ANKRD11: variants seen among roughly 807,000 people sequenced by gnomAD.
The protein encoded by ANKRD11 is ankyrin repeat domain 11.
ANKRD11 carries 17 observed loss-of-function variants against 195.7 expected under a neutral mutation model. That is an observed-to-expected ratio of 0.09 (90% CI 0.06 to 0.13). The LOEUF is 0.13. Among genes scored for constraint, ANKRD11 ranks in the 10% least tolerant of loss-of-function variants. The pLI is 1.00. For synonymous variants in ANKRD11, 1,953 were observed against 1,528.1 expected (o/e 1.28, Z -6.49); for missense variants, 3,735 against 3,566.1 (o/e 1.05, Z -1.21).
At chr16:89,472,198 C>G (rs184430051) in intron 1 of ANKRD11, among the ~76,000 whole-genome samples, 4 of 152,170 alleles carry the variant, frequency 2.6e-5, no homozygotes, top group African/African-American at 7.2e-5. Context: ...CCAATAAACA[C>G]TCGCAGGACA....
In ANKRD11 at chr16:89,490,512, T is replaced by C. The variant is rs1322706636; in HGVS notation, c.-412A>G. The C allele has an allele frequency of 8.5e-6, 4 of 469,874 alleles. No individual in the cohort carries two copies. Among genetic ancestry groups the C allele is most frequent in the Admixed American group, 6.9e-5 (2 of 29,068 alleles). The allele number at this position is 469,874 out of a possible 1,614,324, so 29.1% of individuals were successfully genotyped here. On this transcript the variant is annotated 5_prime_UTR_variant, in exon 1 of 13. Coordinates refer to ENST00000301030, the MANE Select transcript of ANKRD11 (RefSeq NM_013275.6). Reference sequence around the variant, plus strand: ...TGGCCGCGGGCTCGGCGGCGGCGCCTCCCCGGCTGGGGCCCTCGGTCCATC... The same window carrying C: ...TGGCCGCGGGCTCGGCGGCGGCGCCCCCCCGGCTGGGGCCCTCGGTCCATC...
intron 2 of ANKRD11, chr16:89,343,731 T>C (rs1317032410): frequency 6.6e-6 from 1 of 152,300 alleles, no homozygotes; most frequent in Non-Finnish European, 1.5e-5. Context: ...TCACAGCTCA[T>C]GTTTTCAAGG....
chr16:89,296,314 C>T (rs2035434258), intron 4 of ANKRD11, among the ~76,000 whole-genome samples: 1 of 152,138 alleles, frequency 6.6e-6, no homozygotes, highest in South Asian at 2.1e-4. Flanking sequence ...CCTCTGGAGC[C>T]ACCGTCTCCC....
intron 1 of ANKRD11, among the ~76,000 whole-genome samples, chr16:89,486,403 T>C (rs1267907071): frequency 1.4e-5 from 2 of 147,796 alleles, no homozygotes; most frequent in African/African-American, 2.5e-5. Context: ...TTCACGCAAC[T>C]GGCCGCTGCC....
chr16:89,271,045 CTG>C, intron 11 of ANKRD11, 136 bp from the exon 12 acceptor site: 1 of 793,744 alleles, frequency 1.3e-6, no homozygotes, highest in South Asian at 1.5e-5. Flanking sequence ...CGCGCACACA[CTG>C]AATCATGTTC....
chr16:89,337,199 C>A (rs1344210892), intron 2 of ANKRD11, among the ~76,000 whole-genome samples: 1 of 151,390 alleles, frequency 6.6e-6, no homozygotes, highest in Non-Finnish European at 1.5e-5. Context: ...AAACAAAAAA[C>A]AAAAAACTGC....
At chr16:89,485,035 C>T (rs1272507271) in intron 1 of ANKRD11, among the ~76,000 whole-genome samples, 2 of 151,850 alleles carry the variant, frequency 1.3e-5, no homozygotes, top group African/African-American at 4.8e-5. Context: ...AGAGAGAAAG[C>T]GGGTGTGGGG....
intron 1 of ANKRD11, among the ~76,000 whole-genome samples, chr16:89,471,235 C>T (rs1308024377): frequency 6.6e-6 from 1 of 152,068 alleles, no homozygotes; most frequent in Non-Finnish European, 1.5e-5. Flanking sequence ...GCACTATTGA[C>T]CCTCCAAACT....
intron 1 of ANKRD11, among the ~76,000 whole-genome samples, chr16:89,420,792 C>T (rs972229454): frequency 6.6e-6 from 1 of 152,226 alleles, no homozygotes; most frequent in African/African-American, 2.4e-5. Context: ...ACACAGCTCA[C>T]TGCGGCCTCA....
chr16:89,286,165 A>C lies in ANKRD11; in HGVS notation c.766T>G (p.Tyr256Asp), dbSNP rs1597468657. The C allele has an allele frequency of 6.2e-7, 1 of 1,613,792 alleles. No individual in the cohort carries two copies. The change falls in exon 8 of 13, where the codon TAC (tyrosine) becomes GAC (aspartate). Residue 256 changes from tyrosine (Y) to aspartate (D), a missense_variant. Coordinates refer to ENST00000301030, the MANE Select transcript of ANKRD11 (RefSeq NM_013275.6). ...TTGCTCTGCTGCGGGTTCCCTCCGT[A>C]CCGCAGCAGCAGCTTCACCACCTAC... ...HYKVVKLLLR[Y>D]GGNPQQSNRK...
chr16:89,403,120 C>A (rs1041542633), intron 2 of ANKRD11, among the ~76,000 whole-genome samples: 5 of 152,198 alleles, frequency 3.3e-5, no homozygotes, highest in Admixed American at 6.5e-5. Flanking sequence ...AACCTCTCAG[C>A]GTGACGTGCC....
At chr16:89,465,465 G>A (rs1173263834) in intron 1 of ANKRD11, among the ~76,000 whole-genome samples, 1 of 152,186 alleles carries the variant, frequency 6.6e-6, no homozygotes, top group Admixed American at 6.5e-5. Context: ...CTCTTGCCGT[G>A]AAGAGCAGAC....
chr16:89,391,971 C>G (rs1368599258), intron 2 of ANKRD11, among the ~76,000 whole-genome samples: 1 of 152,122 alleles, frequency 6.6e-6, no homozygotes, highest in Non-Finnish European at 1.5e-5. Flanking sequence ...TGTTCCTCTT[C>G]CTTAGTTGAA....
chr16:89,434,644 G>A (rs1229617119), intron 1 of ANKRD11, among the ~76,000 whole-genome samples: 1 of 152,200 alleles, frequency 6.6e-6, no homozygotes, highest in Non-Finnish European at 1.5e-5. Context: ...TGTCTCCTGA[G>A]GTCCAAAATC....
chr16:89,343,474 C>T (rs1175932054), intron 2 of ANKRD11, among the ~76,000 whole-genome samples: 1 of 152,186 alleles, frequency 6.6e-6, no homozygotes. Context: ...CACAGGTATT[C>T]CTAACACATA....
chr16:89,467,557 G>T (rs1269556880), intron 1 of ANKRD11, among the ~76,000 whole-genome samples: 1 of 151,988 alleles, frequency 6.6e-6, no homozygotes, highest in Non-Finnish European at 1.5e-5. Context: ...GTAGAGACGG[G>T]GTCTTGCTAT....
chr16:89,388,859 A>C (rs1336772956), intron 2 of ANKRD11, among the ~76,000 whole-genome samples: 2 of 152,240 alleles, frequency 1.3e-5, no homozygotes, highest in African/African-American at 4.8e-5. Context: ...ACCAAGCTCC[A>C]GCCTGTCTCA....
intron 1 of ANKRD11, among the ~76,000 whole-genome samples, chr16:89,457,036 T>C (rs1362813727): frequency 1.4e-5 from 2 of 146,776 alleles, no homozygotes; most frequent in African/African-American, 5.0e-5. Flanking sequence ...CTCGGCTCAC[T>C]GCAAGCTCCG....
chr16:89,442,472 C>A (rs183576672), intron 1 of ANKRD11, among the ~76,000 whole-genome samples: 21 of 152,294 alleles, frequency 1.4e-4, no homozygotes, highest in African/African-American at 5.1e-4. Context: ...ATCCCACAAA[C>A]GCCCCTTTAT....
Sources: gnomAD v4.1 joint callset for allele counts (sites outside exome capture counted in the v4.1 genomes callset) on GRCh38, gnomAD v4.1.1 for gene constraint, MANE v1.5 for transcripts, NCBI Gene and HGNC (gene_info 2026-07-23, HGNC 2026-07-21) for gene names.